ACRV1: variants seen among roughly 807,000 people sequenced by gnomAD.
ACRV1 encodes the protein acrosomal vesicle protein 1, also known as acrosomal protein SP-10.
A neutral mutation model predicts 29.2 loss-of-function variants in ACRV1; 17 were observed. The ratio of observed to expected loss-of-function variants is 0.58; its 90% CI spans 0.40 to 0.87. The LOEUF is 0.87. Ranked by LOEUF, ACRV1 falls within the 40% of genes least tolerant of loss-of-function variation. The pLI, the probability that ACRV1 is intolerant of heterozygous loss-of-function variation, is 0.00. For synonymous variants in ACRV1, 98 were observed against 111.6 expected (o/e 0.88, Z 0.77); for missense variants, 294 against 316.0 (o/e 0.93, Z 0.53).
At chr11:125,676,271 C>T in intron 3 of ACRV1, 88 bp downstream of exon 3, 1 of 1,486,628 alleles carries the variant, frequency 6.7e-7, no homozygotes, top group Non-Finnish European at 9.3e-7. Flanking sequence ...TTGATTCTTT[C>T]CTGGGCCCCT....
Position 125,677,992 on chromosome 11 carries a change from A to T in ACRV1, c.358T>A (p.Ser120Thr). The T allele has an allele frequency of 6.2e-7, 1 of 1,613,534 alleles. No homozygotes were observed. The highest frequency in any genetic ancestry group is 8.5e-7 in the Non-Finnish European group (1 of 1,179,784). The change falls in exon 2 of 4, where the codon TCA (serine) becomes ACA (threonine). Residue 120 changes from serine (S) to threonine (T), a missense_variant. Ser to Thr is a moderately conservative substitution (Grantham distance 58). Coordinates refer to ENST00000533904, the MANE Select transcript of ACRV1 (RefSeq NM_001612.6). ...VGEQPSGEQP[S>T]GEHLSGEQPL... ...TGTTCTCCGGAGAGGTGTTCACCTG[A>T]AGGCTGTTCTCCTGAAGGCTGCTCA...
chr11:125,674,859 C>T (rs2134112812), intron 3 of ACRV1, among the ~76,000 whole-genome samples: 1 of 152,322 alleles, frequency 6.6e-6, no homozygotes, highest in South Asian at 2.1e-4. Context: ...GCTCTTGTAT[C>T]AGCTGGCTCC....
intron 3 of ACRV1, among the ~76,000 whole-genome samples, chr11:125,675,347 TTTC>T (rs1354280757): frequency 2.6e-5 from 4 of 151,710 alleles, no homozygotes; most frequent in Non-Finnish European, 4.4e-5. Flanking sequence ...TGTGATATTG[TTTC>T]TTATTTCTTA....
rs1565396698 is a variant in ACRV1 at position 125,677,976 on chromosome 11, G to GA, written c.373dup (p.Ser125PhefsTer8). On this transcript the variant is annotated frameshift_variant, in exon 2 of 4. Transcript: ENST00000533904. LOFTEE classifies it high-confidence loss of function. ...AAGCTCACTCAAAGGCTGTTCTCCGGAGAGGTGTTCACCTGAAGGCTGTTC... is the reference window on the plus strand; with the variant it reads ...AAGCTCACTCAAAGGCTGTTCTCCGGAAGAGGTGTTCACCTGAAGGCTGTTC... The GA allele has an allele frequency of 6.2e-7, 1 of 1,612,532 alleles. No homozygotes were observed. Among genetic ancestry groups the GA allele is most frequent in the Non-Finnish European group, 8.5e-7 (1 of 1,178,772 alleles).
At chr11:125,673,539 A>G (rs1318153400) in intron 3 of ACRV1, among the ~76,000 whole-genome samples, 1 of 152,030 alleles carries the variant, frequency 6.6e-6, no homozygotes, top group African/African-American at 2.4e-5. Context: ...TGCTTCTGAC[A>G]AGGTCTTCCC....
chr11:125,678,558 A>G (rs1942634204), intron 1 of ACRV1, among the ~76,000 whole-genome samples: 1 of 152,080 alleles, frequency 6.6e-6, no homozygotes, highest in Non-Finnish European at 1.5e-5. Context: ...ATTAAGAACT[A>G]CTTAGGAGAA....
rs1942233200 is a variant in ACRV1, at chr11:125,672,422, G to T, written c.*171C>A. On this transcript the variant is annotated 3_prime_UTR_variant, in exon 4 of 4. Coordinates refer to ENST00000533904, the MANE Select transcript of ACRV1 (RefSeq NM_001612.6). Reference sequence around the variant, plus strand: ...AGGGAAGACAGGACAGAGAAGAATGGATAAAAGCATGAATAGAAGAAGAAA... The same window carrying T: ...AGGGAAGACAGGACAGAGAAGAATGTATAAAAGCATGAATAGAAGAAGAAA... 1.4e-6 allele frequency: 1 copy of T among 733,820 alleles called. No homozygotes were observed. The highest frequency in any genetic ancestry group is 2.0e-5 in the South Asian group (1 of 50,708). 45.5% of individuals were successfully genotyped at this position (733,820 alleles called of 1,614,324 possible).
rs1942591854 is a variant in ACRV1, at chr11:125,677,860, G to A, written c.490C>T (p.Pro164Ser). 3.1e-6 allele frequency: 5 copies of A among 1,613,816 alleles called. No individual in the cohort carries two copies. Among genetic ancestry groups the A allele is most frequent in the Non-Finnish European group, 4.2e-6 (5 of 1,179,954 alleles). Residue 164 changes from proline to serine, a missense_variant, in exon 2 of 4, where the codon CCT becomes TCT. Transcript: ENST00000533904. Reference protein sequence around the residue: ...PSGEQASGEQPSGEHASGEQA... With the variant: ...PSGEQASGEQSSGEHASGEQA... ...TCCCCTGAAGCGTGCTCACCTGAAGGCTGTTCACCCGAGGCCTGCTCACCA... is the reference window on the plus strand; with the variant it reads ...TCCCCTGAAGCGTGCTCACCTGAAGACTGTTCACCCGAGGCCTGCTCACCA...
intron 3 of ACRV1, among the ~76,000 whole-genome samples, chr11:125,675,733 A>G (rs1942471278): frequency 6.6e-6 from 1 of 152,134 alleles, no homozygotes; most frequent in South Asian, 2.1e-4. Context: ...GGTCCCAGGA[A>G]TATATAGCTA....
chr11:125,672,796 T>A, intron 3 of ACRV1, 79 bp from the exon 4 acceptor site: 2 of 1,560,532 alleles, frequency 1.3e-6, no homozygotes, highest in Non-Finnish European at 1.7e-6. Flanking sequence ...GCTCAGTGTC[T>A]CCATGCAGGA....
Position 125,672,439 on chromosome 11 carries a change from A to T in ACRV1, c.*154T>A, listed in dbSNP as rs111701180. On this transcript the variant is annotated 3_prime_UTR_variant, in exon 4 of 4. Transcript: ENST00000533904. ...GAAGAATGGATAAAAGCATGAATAG[A>T]AGAAGAAAGATAGGATGTTTGAGCA... is the stretch of plus-strand genomic sequence containing the variant. The T allele has an allele frequency of 1.2e-5, 10 of 820,954 alleles. No homozygotes were observed. The highest frequency in any genetic ancestry group is 1.2e-4 in the African/African-American group (7 of 58,492). 50.9% of individuals were successfully genotyped at this position (820,954 alleles called of 1,614,324 possible).
intron 1 of ACRV1, among the ~76,000 whole-genome samples, 173 bp from the exon 2 acceptor site, chr11:125,678,470 C>G (rs570125567): frequency 2.0e-5 from 3 of 152,094 alleles, no homozygotes; most frequent in African/African-American, 4.8e-5. Flanking sequence ...CCCAAAAGGC[C>G]ATGGAGGACA....
rs1251707091 is a variant in ACRV1, at chr11:125,672,415, A to G, written c.*178T>C. ...TTGGAGCAGGGAAGACAGGACAGAG[A>G]AGAATGGATAAAAGCATGAATAGAA... is the stretch of plus-strand genomic sequence containing the variant. On this transcript the variant is annotated 3_prime_UTR_variant, in exon 4 of 4. Coordinates refer to ENST00000533904, the MANE Select transcript of ACRV1 (RefSeq NM_001612.6). The G allele has an allele frequency of 2.9e-6, 2 of 696,238 alleles. No individual in the cohort carries two copies. The highest frequency in any genetic ancestry group is 2.9e-5 in the Admixed American group (1 of 34,484). 43.1% of individuals were successfully genotyped at this position (696,238 alleles called of 1,614,324 possible). A position where few individuals can be genotyped will look rare whatever the true frequency, so the allele number is the denominator to read the frequency against.
intron 1 of ACRV1, among the ~76,000 whole-genome samples, chr11:125,680,352 C>A (rs1166720823): frequency 6.6e-6 from 1 of 152,196 alleles, no homozygotes; most frequent in East Asian, 1.9e-4. Context: ...ATTACATCTT[C>A]CCATCTCCCA....
intron 3 of ACRV1, among the ~76,000 whole-genome samples, chr11:125,674,340 G>A (rs1942376939): frequency 6.6e-6 from 1 of 152,180 alleles, no homozygotes; most frequent in East Asian, 1.9e-4. Context: ...ATAGTATCAA[G>A]GAAATTCTTA....
rs1264681596 is a variant in ACRV1 at position 125,680,836 on chromosome 11, A to G, written c.-56T>C. 30 of 1,485,392 alleles carry G rather than the reference A, an allele frequency of 2.0e-5. No homozygotes were observed. Among genetic ancestry groups the G allele is most frequent in the Non-Finnish European group, 2.5e-5 (27 of 1,071,996 alleles). 92.0% of individuals were successfully genotyped at this position (1,485,392 alleles called of 1,614,324 possible). Reference sequence around the variant, plus strand: ...TGGGCCACAGCTTCTTCACAGAGCTATGAAGCAAACTGCGAGCAAAAGCTT... The same window carrying G: ...TGGGCCACAGCTTCTTCACAGAGCTGTGAAGCAAACTGCGAGCAAAAGCTT... On this transcript the variant is annotated 5_prime_UTR_variant, in exon 1 of 4. Coordinates refer to ENST00000533904, the MANE Select transcript of ACRV1 (RefSeq NM_001612.6).
chr11:125,672,788 T>G, intron 3 of ACRV1, 71 bp from the exon 4 acceptor site: 1 of 1,582,952 alleles, frequency 6.3e-7, no homozygotes, highest in Non-Finnish European at 8.6e-7. Flanking sequence ...TCTGTGATGC[T>G]CAGTGTCTCC....
In ACRV1 at chr11:125,679,216, C is replaced by CTTTTTTTTTTTT. The variant is rs71045115; in HGVS notation, c.53-931_53-920dup. Among the ~76,000 whole-genome samples, 330 of 121,006 alleles carry CTTTTTTTTTTTT rather than the reference C, an allele frequency of 2.7e-3. 17 individuals carry two copies. The highest frequency in any genetic ancestry group is 5.3e-3 in the East Asian group (22 of 4,178). The allele number at this position is 121,006 out of a possible 152,430, so 79.4% of individuals were successfully genotyped here. A position where few individuals can be genotyped will look rare whatever the true frequency, so the allele number is the denominator to read the frequency against. Reference sequence around the variant, plus strand: ...TCTTCTACCTTTAATCCGTCTCTTTCTTTTTTTTTTTTTGTTTCAAAGATA... The same window carrying CTTTTTTTTTTTT: ...TCTTCTACCTTTAATCCGTCTCTTTCTTTTTTTTTTTTTTTTTTTTTTTTTGTTTCAAAGATA... On this transcript the variant is annotated intron_variant, in intron 1 of 3. Transcript: ENST00000533904.
intron 1 of ACRV1, among the ~76,000 whole-genome samples, chr11:125,678,511 C>T (rs1942633410): frequency 6.6e-6 from 1 of 152,084 alleles, no homozygotes; most frequent in South Asian, 2.1e-4. Context: ...CAGAGGCCAC[C>T]TCTGGGATTG....
Sources: allele counts gnomAD v4.1 joint callset (sites outside exome capture counted in the v4.1 genomes callset), GRCh38; gene constraint gnomAD v4.1.1; transcripts MANE v1.5; gene names NCBI Gene and HGNC (gene_info 2026-07-23, HGNC 2026-07-21).